Variants in BFSP1 observed in about 807,000 individuals in gnomAD.
The protein encoded by BFSP1 is beaded filament structural protein 1, also known as filensin.
In BFSP1, 38 loss-of-function variants were observed where a neutral mutation model predicts 43.9. The observed-to-expected ratio is 0.87, with a 90% confidence interval of 0.67 to 1.14. BFSP1 has a LOEUF of 1.14. Ranked by LOEUF, BFSP1 falls within the 50% of genes most tolerant of loss-of-function variation. BFSP1 has a pLI of 0.00. For missense variants in BFSP1, 850 were observed against 875.1 expected (o/e 0.97, Z 0.36); for synonymous variants, 352 against 354.8 (o/e 0.99, Z 0.09).
rs965419654 is a variant in BFSP1 at position 17,541,179 on chromosome 20, C to A, written c.3-16271G>T. The A allele has an allele frequency of 1.2e-6, 1 of 853,678 alleles. No homozygotes were observed. The highest frequency in any genetic ancestry group is 1.8e-5 in the African/African-American group (1 of 54,546). 52.9% of individuals were successfully genotyped at this position (853,678 alleles called of 1,614,324 possible). A position where few individuals can be genotyped will look rare whatever the true frequency, so the allele number is the denominator to read the frequency against. ...AATAGCCACTGCACCCCATTCTGGG[C>A]AACATAGTGAGACCCTGTCTCTAAA... On this transcript the variant is annotated intron_variant, in intron 1 of 7. Coordinates refer to the BFSP1 transcript ENST00000377868.
intron 1 of BFSP1, among the ~76,000 whole-genome samples, chr20:17,546,006 C>A (rs1213809097): frequency 6.6e-6 from 1 of 152,074 alleles, no homozygotes; most frequent in Non-Finnish European, 1.5e-5. Context: ...CACACTTTAC[C>A]ACTTACCTTG....
At chr20:17,556,836 T>G (rs1386754994) in intron 1 of BFSP1, among the ~76,000 whole-genome samples, 1 of 151,326 alleles carries the variant, frequency 6.6e-6, no homozygotes, top group Non-Finnish European at 1.5e-5. Context: ...TTTTCTTTCT[T>G]AGACATTTTC....
At chr20:17,506,546 C>T (rs1455595416) in intron 5 of BFSP1, among the ~76,000 whole-genome samples, 2 of 132,714 alleles carry the variant, frequency 1.5e-5, no homozygotes, top group Admixed American at 7.9e-5. Flanking sequence ...TTTTTGGAAA[C>T]GGGGTCTCAT....
At chr20:17,515,618 T>G (rs1600652461) in intron 2 of BFSP1, among the ~76,000 whole-genome samples, 1 of 152,220 alleles carries the variant, frequency 6.6e-6, no homozygotes, top group African/African-American at 2.4e-5. Context: ...CAAGTAGGTA[T>G]GAAAGAATTA....
At chr20:17,501,757 G>A (rs886822043) in intron 5 of BFSP1, among the ~76,000 whole-genome samples, 3 of 152,200 alleles carry the variant, frequency 2.0e-5, no homozygotes, top group African/African-American at 7.2e-5. Flanking sequence ...CAAAGGCACG[G>A]TCCCAGCAAC....
upstream of BFSP1, chr20:17,560,464 A>C (rs931509514): frequency 3.9e-5 from 6 of 152,300 alleles, no homozygotes; most frequent in Middle Eastern, 3.4e-3. Flanking sequence ...ACTTGGGCCA[A>C]GTTTATCTTG....
At chr20:17,561,386 CT>C (rs2035065394), upstream of BFSP1, among the ~76,000 whole-genome samples, 1 of 151,986 alleles carries the variant, frequency 6.6e-6, no homozygotes, top group Non-Finnish European at 1.5e-5. Flanking sequence ...GTAATCCCAG[CT>C]ACTCGGGAGG....
intron 1 of BFSP1, among the ~76,000 whole-genome samples, chr20:17,537,952 T>C (rs956129861): frequency 6.6e-6 from 1 of 151,960 alleles, no homozygotes; most frequent in Non-Finnish European, 1.5e-5. Flanking sequence ...ACCCTGTCTC[T>C]ACCCCCAAAA....
upstream of BFSP1, chr20:17,560,379 A>T (rs1269797952): frequency 6.6e-6 from 1 of 152,182 alleles, no homozygotes; most frequent in Non-Finnish European, 1.5e-5. Context: ...TGGATGCTCC[A>T]CTCATCAAAG....
At chr20:17,564,597 CTTT>C (rs371946813) in intron 1 of BFSP1, among the ~76,000 whole-genome samples, 10 of 150,802 alleles carry the variant, frequency 6.6e-5, no homozygotes, top group African/African-American at 2.0e-4. Flanking sequence ...TCTTCTTCTT[CTTT>C]TTTTTTGAGA....
upstream of BFSP1, among the ~76,000 whole-genome samples, chr20:17,559,737 C>T (rs184131273): frequency 2.8e-4 from 43 of 152,170 alleles, no homozygotes; most frequent in South Asian, 6.2e-4. Context: ...CTAGGTTGCA[C>T]GCTCCTTGTG....
intron 1 of BFSP1, among the ~76,000 whole-genome samples, chr20:17,542,625 A>G (rs556123146): frequency 6.6e-5 from 10 of 152,106 alleles, no homozygotes; most frequent in Non-Finnish European, 1.2e-4. Flanking sequence ...GTCAGTTGTT[A>G]AACATTTACT....
intron 1 of BFSP1, among the ~76,000 whole-genome samples, chr20:17,552,200 A>C (rs563307437): frequency 8.0e-4 from 122 of 152,312 alleles, no homozygotes; most frequent in Middle Eastern, 6.8e-3. Context: ...AGAAGACCTC[A>C]CTGAGGAGGT....
At chr20:17,550,935 T>G (rs2034887129) in intron 1 of BFSP1, among the ~76,000 whole-genome samples, 1 of 152,172 alleles carries the variant, frequency 6.6e-6, no homozygotes, top group Admixed American at 6.5e-5. Flanking sequence ...CCTTGCCAGT[T>G]TTACGATGGA....
intron 1 of BFSP1, among the ~76,000 whole-genome samples, chr20:17,546,695 C>A (rs1358374859): frequency 1.3e-5 from 2 of 151,454 alleles, no homozygotes; most frequent in African/African-American, 4.9e-5. Context: ...CAGAGTGAGA[C>A]TCCATTTAAA....
At chr20:17,500,427 G>A (rs2123461060) in intron 5 of BFSP1, among the ~76,000 whole-genome samples, 1 of 152,312 alleles carries the variant, frequency 6.6e-6, no homozygotes. Flanking sequence ...CTGTCGCCTT[G>A]TGACAACCGC....
At chr20:17,517,592 A>G (rs2034228445) in intron 2 of BFSP1, among the ~76,000 whole-genome samples, 1 of 152,170 alleles carries the variant, frequency 6.6e-6, no homozygotes, top group South Asian at 2.1e-4. Flanking sequence ...CCAACTTTAA[A>G]CTTTCTAGAA....
At chr20:17,503,904 A>G (rs936646723) in intron 5 of BFSP1, among the ~76,000 whole-genome samples, 1 of 152,228 alleles carries the variant, frequency 6.6e-6, no homozygotes, top group Non-Finnish European at 1.5e-5. Flanking sequence ...AACTGTAAAT[A>G]GAACCACAAA....
chr20:17,552,357 G>A (rs2034908677), intron 1 of BFSP1, among the ~76,000 whole-genome samples: 1 of 152,190 alleles, frequency 6.6e-6, no homozygotes, highest in Non-Finnish European at 1.5e-5. Context: ...TGGCAAGAGT[G>A]GGGCAGGTGA....
Sources: gnomAD v4.1 joint callset for allele counts (sites outside exome capture counted in the v4.1 genomes callset) on GRCh38, gnomAD v4.1.1 for gene constraint, MANE v1.5 for transcripts, NCBI Gene and HGNC (gene_info 2026-07-23, HGNC 2026-07-21) for gene names.